The following USP54 variants were observed in gnomAD, a reference collection of about 807,000 sequenced individuals.
The protein encoded by USP54 is ubiquitin specific peptidase 54, also known as ubiquitin carboxyl-terminal hydrolase 54.
USP54 carries 87 observed loss-of-function variants against 170.5 expected under a neutral mutation model. That is an observed-to-expected ratio of 0.51 (90% CI 0.43 to 0.61). The LOEUF is 0.61. Among genes scored for constraint, USP54 ranks in the 20% least tolerant of loss-of-function variants. The probability of loss-of-function intolerance (pLI) is 0.00; values close to 1 mark genes in which losing one functional copy is unlikely to be tolerated. For synonymous variants in USP54, 655 were observed against 742.8 expected (o/e 0.88, Z 1.92); for missense variants, 1,786 against 2,047.8 (o/e 0.87, Z 2.47).
chr10:73,517,286 C>A lies in USP54; in HGVS notation c.3140G>T (p.Arg1047Met). The change falls in exon 20 of 24, where the codon AGG becomes ATG. Residue 1047 changes from arginine (R) to methionine (M), a missense_variant. Arg to Met is a moderately conservative substitution (Grantham distance 91). Around this residue, in one of 3 missense-constraint regions of USP54, gnomAD observed 1,418 missense variants for 1,569.0 expected, o/e 0.90. Transcript: ENST00000687698. Reference protein sequence around the residue: ...PVMPGIATSERGDEHSLGCSP... With the variant: ...PVMPGIATSEMGDEHSLGCSP... ...ACAGCCTAGGCTGTGTTCATCACCC[C>A]TCTCAGAGGTGGCTATTCCAGGCAT... 6.2e-7 allele frequency: 1 copy of A among 1,613,294 alleles called. No individual in the cohort carries two copies. Among genetic ancestry groups the A allele is most frequent in the Non-Finnish European group, 8.5e-7 (1 of 1,179,552 alleles).
chr10:73,556,331 ATTTCTTTTTT>A (rs1016137982), intron 4 of USP54, among the ~76,000 whole-genome samples: 6 of 150,082 alleles, frequency 4.0e-5, no homozygotes, highest in South Asian at 2.1e-4. Context: ...ACAATGGGTA[ATTTCTTTTTT>A]TTTCTTTTTT....
At chr10:73,584,070 G>A (rs2077196174) in intron 1 of USP54, among the ~76,000 whole-genome samples, 1 of 152,186 alleles carries the variant, frequency 6.6e-6, no homozygotes, top group African/African-American at 2.4e-5. Flanking sequence ...TCTAAAGGTA[G>A]ATGGACCAAG....
Position 73,500,760 on chromosome 10 carries a change from G to A in USP54, c.4390C>T (p.Pro1464Ser). Residue 1464 changes from proline (P) to serine (S), a missense_variant, in exon 23 of 24, where the codon CCT becomes TCT. Around this residue, in one of 3 missense-constraint regions of USP54, gnomAD observed 1,418 missense variants for 1,569.0 expected, o/e 0.90. Coordinates refer to ENST00000687698, the MANE Select transcript of USP54 (RefSeq NM_001391956.1). Reference sequence around the variant, plus strand: ...TGGGGACCGAGGAGAAACACAGAAGGGTCATGGATGACAGGGAGGGAAGAG... The same window carrying A: ...TGGGGACCGAGGAGAAACACAGAAGAGTCATGGATGACAGGGAGGGAAGAG... Reference protein sequence around the residue: ...SSSSLPVIHDPSVFLLGPQLY... With the variant: ...SSSSLPVIHDSSVFLLGPQLY... 1.9e-6 allele frequency: 3 copies of A among 1,602,352 alleles called. No homozygotes were observed. The highest frequency in any genetic ancestry group is 1.4e-5 in the African/African-American group (1 of 74,004).
At chr10:73,526,171 C>CA (rs2062804082) in intron 16 of USP54, among the ~76,000 whole-genome samples, 1 of 152,086 alleles carries the variant, frequency 6.6e-6, no homozygotes, top group African/African-American at 2.4e-5. Flanking sequence ...TGATGGAGAA[C>CA]AAAAAATAGA....
chr10:73,536,641 A>C (rs1286343721), intron 10 of USP54, among the ~76,000 whole-genome samples: 1 of 152,226 alleles, frequency 6.6e-6, no homozygotes, highest in Non-Finnish European at 1.5e-5. Context: ...AGAAAGCACT[A>C]AAATCCTATA....
chr10:73,512,604 T>C (rs1293948871), intron 20 of USP54, among the ~76,000 whole-genome samples: 1 of 152,164 alleles, frequency 6.6e-6, no homozygotes, highest in Non-Finnish European at 1.5e-5. Context: ...CACTACAGCC[T>C]GAAGCTCCTG....
At chr10:73,515,678 C>T (rs563769907) in intron 20 of USP54, 1 of 152,254 alleles carries the variant, frequency 6.6e-6, no homozygotes, top group Non-Finnish European at 1.5e-5. Context: ...GACCTGGAGG[C>T]TGAATCTTGG....
At position 73,517,555 on chromosome 10, in the gene USP54, A is replaced by G; in HGVS notation, c.2871T>C (p.Thr957=). ...SPSRSALKLL[T]SVEVDNIEPS... The stretch of plus-strand genomic sequence containing the variant: ...GTTCAATGTTGTCTACTTCAACCGA[A>G]GTCAGAAGCTTCAAGGCAGATCTAC... Residue 957 remains threonine, a synonymous_variant, in exon 20 of 24, where the codon ACT becomes ACC. Transcript: ENST00000687698. 1 of 1,614,222 alleles carries G rather than the reference A, an allele frequency of 6.2e-7. No individual in the cohort carries two copies. The highest frequency in any genetic ancestry group is 1.1e-5 in the South Asian group (1 of 91,082).
rs764171528 is a variant in USP54 at position 73,542,878 on chromosome 10, CAT to C, written c.495_496del (p.Cys166TyrfsTer2). ...ATCAGAAGTGGCACCACAGCTAGTA[CAT>C]ACACACTGGGCAAAAGAGAAAAAGG... On this transcript the variant is annotated frameshift_variant, in exon 7 of 24. Transcript: ENST00000687698. LOFTEE classifies it high-confidence loss of function. 1 of 1,614,142 alleles carries C rather than the reference CAT, an allele frequency of 6.2e-7. No individual in the cohort carries two copies. Among genetic ancestry groups the C allele is most frequent in the East Asian group, 2.2e-5 (1 of 44,878 alleles).
chr10:73,616,335 C>CAAAAAA lies in USP54; in HGVS notation c.-18+9226_-18+9231dup, dbSNP rs60197778. Among the ~76,000 whole-genome samples, 36 of 25,768 alleles carry CAAAAAA rather than the reference C, an allele frequency of 1.4e-3. 1 individual carries two copies. The highest frequency in any genetic ancestry group is 2.8e-3 in the African/African-American group (16 of 5,628). 16.9% of individuals were successfully genotyped at this position (25,768 alleles called of 152,430 possible). ...CCTAGGCGACAGCAAGACTCCATCT[C>CAAAAAA]AAAAAAAAAAAAAAAAAAAAAAAAA... On this transcript the variant is annotated intron_variant, in intron 1 of 22. Coordinates refer to the USP54 transcript ENST00000339859.
intron 4 of USP54, among the ~76,000 whole-genome samples, chr10:73,549,515 C>A (rs940532884): frequency 6.6e-6 from 1 of 152,194 alleles, no homozygotes; most frequent in African/African-American, 2.4e-5. Flanking sequence ...ACCATCCTTG[C>A]AGTTGTTTAG....
chr10:73,508,902 G>A (rs1019036052), intron 20 of USP54, among the ~76,000 whole-genome samples: 5 of 151,134 alleles, frequency 3.3e-5, no homozygotes, highest in Admixed American at 6.6e-5. Flanking sequence ...TCCTGACCTC[G>A]TGATCTGCCC....
chr10:73,547,231 G>A lies in USP54; in HGVS notation c.241-1559C>T, dbSNP rs143736459. 6.3e-3 allele frequency among the ~76,000 whole-genome samples: 953 copies of A among 152,118 alleles called. 12 individuals carry two copies. The highest frequency in any genetic ancestry group is 0.022 in the African/African-American group (897 of 41,488). ...AGCCTGGGCAACATGGTGAAACCCCGTCTCTACTAAAAATACAAAACTTAG... is the reference window on the plus strand; with the variant it reads ...AGCCTGGGCAACATGGTGAAACCCCATCTCTACTAAAAATACAAAACTTAG... On this transcript the variant is annotated intron_variant, in intron 4 of 23. Transcript: ENST00000687698.
intron 16 of USP54, among the ~76,000 whole-genome samples, chr10:73,524,685 C>G (rs2062547589): frequency 6.6e-6 from 1 of 152,152 alleles, no homozygotes; most frequent in African/African-American, 2.4e-5. Flanking sequence ...GTGCCAGAAA[C>G]AGTTTTAAGC....
chr10:73,522,923 A>G (rs1172143712), intron 17 of USP54, among the ~76,000 whole-genome samples: 1 of 152,230 alleles, frequency 6.6e-6, no homozygotes, highest in African/African-American at 2.4e-5. Context: ...CCGAATTATA[A>G]AAACAATAAA....
chr10:73,570,792 T>A (rs1246771095), intron 4 of USP54, among the ~76,000 whole-genome samples: 2 of 152,172 alleles, frequency 1.3e-5, no homozygotes, highest in Admixed American at 6.5e-5. Context: ...AACACCTAGT[T>A]GCATCTTCTT....
intron 1 of USP54, among the ~76,000 whole-genome samples, chr10:73,613,051 G>A (rs541303572): frequency 6.6e-6 from 1 of 151,564 alleles, no homozygotes; most frequent in South Asian, 2.1e-4. Context: ...CAGCTACTCA[G>A]GAGGCTGAGG....
chr10:73,513,079 G>A (rs1237382052), intron 20 of USP54: 1 of 151,932 alleles, frequency 6.6e-6, no homozygotes, highest in Non-Finnish European at 1.5e-5. Context: ...TCTTCTAAAA[G>A]GTTATTCTAA....
chr10:73,563,207 GC>G (rs2073474952), intron 4 of USP54, among the ~76,000 whole-genome samples: 1 of 152,098 alleles, frequency 6.6e-6, no homozygotes, highest in Non-Finnish European at 1.5e-5. Context: ...TCCTGCCTCA[GC>G]CTCCCAAAGT....
Sources: allele counts gnomAD v4.1 joint callset (sites outside exome capture counted in the v4.1 genomes callset), GRCh38; gene constraint gnomAD v4.1.1; regional missense constraint gnomAD v4.1.1; transcripts MANE v1.5; gene names NCBI Gene and HGNC (gene_info 2026-07-23, HGNC 2026-07-21).